Variants in AFG1L observed in about 807,000 individuals in gnomAD.
AFG1L encodes the protein AFG1 like ATPase.
A neutral mutation model predicts 62.2 loss-of-function variants in AFG1L; 53 were observed. That is an observed-to-expected ratio of 0.85 (90% CI 0.68 to 1.07). The LOEUF is 1.07. Among genes scored for constraint, AFG1L ranks in the 50% least tolerant of loss-of-function variants. The pLI, the probability that AFG1L is intolerant of heterozygous loss-of-function variation, is 0.00. For synonymous variants in AFG1L, 228 were observed against 210.3 expected (o/e 1.08, Z -0.73); for missense variants, 555 against 590.5 (o/e 0.94, Z 0.62).
intron 7 of AFG1L, among the ~76,000 whole-genome samples, chr6:108,435,700 C>T (rs993301886): frequency 2.6e-5 from 4 of 152,116 alleles, no homozygotes; most frequent in Admixed American, 2.6e-4. Flanking sequence ...TAGAGATGGG[C>T]TGTGAACTCC....
intron 5 of AFG1L, among the ~76,000 whole-genome samples, chr6:108,358,077 G>A (rs1207854476): frequency 6.6e-6 from 1 of 152,168 alleles, no homozygotes; most frequent in Non-Finnish European, 1.5e-5. Context: ...CTCTCCTGCC[G>A]CTCTGAAGAG....
intron 6 of AFG1L, among the ~76,000 whole-genome samples, chr6:108,367,832 A>G (rs552257688): frequency 6.6e-6 from 1 of 152,220 alleles, no homozygotes; most frequent in Non-Finnish European, 1.5e-5. Context: ...AAAAGAATTG[A>G]TGATTACTTC....
intron 1 of AFG1L, among the ~76,000 whole-genome samples, chr6:108,308,274 C>G (rs781308902): frequency 2.6e-4 from 40 of 152,078 alleles, no homozygotes; most frequent in Non-Finnish European, 5.0e-4. Flanking sequence ...CTCAGTCTCC[C>G]GAGTAGCTGG....
chr6:108,485,650 ATATATATTTTT>A (rs1773533180), intron 10 of AFG1L, among the ~76,000 whole-genome samples: 1 of 21,850 alleles, frequency 4.6e-5, no homozygotes, highest in Non-Finnish European at 7.7e-5. Flanking sequence ...ATATATATAT[ATATATATTTTT>A]TTTTTTTTTT....
intron 10 of AFG1L, among the ~76,000 whole-genome samples, chr6:108,503,715 A>C (rs1464293332): frequency 7.2e-5 from 11 of 152,218 alleles, no homozygotes; most frequent in Non-Finnish European, 5.9e-5. Context: ...ATCCTTTTGA[A>C]GCTTTGAAGC....
chr6:108,417,656 T>C (rs1562148096), intron 7 of AFG1L, among the ~76,000 whole-genome samples: 1 of 152,112 alleles, frequency 6.6e-6, no homozygotes, highest in African/African-American at 2.4e-5. Context: ...ATAGAAAAAT[T>C]TAGGTAATTC....
chr6:108,436,682 T>C (rs1771326769), intron 7 of AFG1L, among the ~76,000 whole-genome samples: 1 of 152,206 alleles, frequency 6.6e-6, no homozygotes, highest in African/African-American at 2.4e-5. Flanking sequence ...TGGGCTGTGA[T>C]GAAACACCAG....
intron 1 of AFG1L, among the ~76,000 whole-genome samples, chr6:108,314,419 T>TA: frequency 6.6e-6 from 1 of 150,578 alleles, no homozygotes; most frequent in Non-Finnish European, 1.5e-5. Context: ...TTTTAAGAGA[T>TA]AGAGTCTCGC....
chr6:108,495,063 C>T (rs1359157785), intron 10 of AFG1L, among the ~76,000 whole-genome samples: 1 of 152,098 alleles, frequency 6.6e-6, no homozygotes, highest in Admixed American at 6.6e-5. Flanking sequence ...GCATGAGCCA[C>T]CACACCCAGC....
In AFG1L at chr6:108,522,538, T is replaced by C. The variant is rs903929775; in HGVS notation, c.*113T>C. ...ATCATTAATTATGCACTTTGTCCTCTGGACCATTTTAATCTAAAATTGCTC... is the reference window on the plus strand; with the variant it reads ...ATCATTAATTATGCACTTTGTCCTCCGGACCATTTTAATCTAAAATTGCTC... On this transcript the variant is annotated 3_prime_UTR_variant, in exon 13 of 13. Transcript: ENST00000368977. 1.1e-5 allele frequency: 13 copies of C among 1,178,516 alleles called. No homozygotes were observed. In the Admixed American group the frequency reaches 2.4e-4, roughly 22 times the overall value. The allele number at this position is 1,178,516 out of a possible 1,614,324, so 73.0% of individuals were successfully genotyped here. A position where few individuals can be genotyped will look rare whatever the true frequency, so the allele number is the denominator to read the frequency against.
rs182101667 is a variant in AFG1L at position 108,421,717 on chromosome 6, C to T, written c.807+19663C>T. 2.1e-3 allele frequency among the ~76,000 whole-genome samples: 318 copies of T among 152,176 alleles called. 1 individual carries two copies. Among genetic ancestry groups the T allele is most frequent in the Non-Finnish European group, 3.6e-3 (245 of 67,982 alleles). On this transcript the variant is annotated intron_variant, in intron 7 of 12. Coordinates refer to ENST00000368977, the MANE Select transcript of AFG1L (RefSeq NM_145315.5). The stretch of plus-strand genomic sequence containing the variant: ...TTTTCAGTTGTTCGTAATGAGGTAG[C>T]GGACCTCATCAGGGCTCAGAGGAAG...
chr6:108,381,437 C>T (rs914425808), intron 6 of AFG1L, among the ~76,000 whole-genome samples: 8 of 151,730 alleles, frequency 5.3e-5, no homozygotes, highest in Non-Finnish European at 4.4e-5. Context: ...TGCATTTGCA[C>T]ATGTCTGTCA....
At chr6:108,402,467 T>TAA (rs55775052) in intron 7 of AFG1L, among the ~76,000 whole-genome samples, 90 of 91,130 alleles carry the variant, frequency 9.9e-4, no homozygotes, top group African/African-American at 1.2e-3. Flanking sequence ...CCGTCTCGAA[T>TAA]AAAAAAAAAA....
At chr6:108,412,896 A>G (rs1283560) in intron 7 of AFG1L, among the ~76,000 whole-genome samples, 10,756 of 152,240 alleles carry the variant, frequency 0.071, 1,208 homozygotes, top group African/African-American at 0.24. Flanking sequence ...TAATGACAGG[A>G]TCAATTTCAC....
chr6:108,411,867 C>T (rs1030331786), intron 7 of AFG1L, among the ~76,000 whole-genome samples: 2 of 152,236 alleles, frequency 1.3e-5, no homozygotes, highest in Non-Finnish European at 2.9e-5. Flanking sequence ...TCCAAAGGAA[C>T]GCAGCTCCTC....
At chr6:108,449,753 C>T (rs1215212972) in intron 8 of AFG1L, among the ~76,000 whole-genome samples, 3 of 152,156 alleles carry the variant, frequency 2.0e-5, no homozygotes, top group Non-Finnish European at 4.4e-5. Flanking sequence ...CCTTCCCCCT[C>T]TCCCCACCCA....
chr6:108,441,711 A>AT (rs1342946129), intron 7 of AFG1L, among the ~76,000 whole-genome samples: 3,720 of 133,876 alleles, frequency 0.028, 130 homozygotes, highest in African/African-American at 0.1. Flanking sequence ...TAAAAAAAAA[A>AT]AATATATATA....
chr6:108,360,146 G>A (rs184856947), intron 5 of AFG1L, among the ~76,000 whole-genome samples: 1 of 152,242 alleles, frequency 6.6e-6, no homozygotes, highest in East Asian at 1.9e-4. Flanking sequence ...ACTTAAAAGG[G>A]CTTGTACTCT....
chr6:108,497,366 C>T (rs1220707669), intron 10 of AFG1L, among the ~76,000 whole-genome samples: 4 of 151,930 alleles, frequency 2.6e-5, no homozygotes, highest in Non-Finnish European at 5.9e-5. Context: ...GTTTATTAGC[C>T]TCTTTTACTT....
Sources: gnomAD v4.1 joint callset for allele counts (sites outside exome capture counted in the v4.1 genomes callset) on GRCh38, gnomAD v4.1.1 for gene constraint, MANE v1.5 for transcripts, NCBI Gene and HGNC (gene_info 2026-07-23, HGNC 2026-07-21) for gene names.